SPINK8: variants seen among roughly 807,000 people sequenced by gnomAD.
SPINK8 encodes the protein serine protease inhibitor Kazal-type 8.
Under a neutral mutation model 14.4 loss-of-function variants are expected in SPINK8, and 12 were observed. That is an observed-to-expected ratio of 0.83 (90% CI 0.53 to 1.35). The LOEUF (loss-of-function observed/expected upper bound fraction) is 1.35, where lower values mean the gene tolerates loss of function less well. SPINK8 is among the 40% of genes most tolerant of loss of function. The pLI is 0.00. For synonymous variants in SPINK8, 32 were observed against 37.6 expected, an observed-to-expected ratio of 0.85 and a Z score of 0.55; for missense variants, 103 against 117.0, an observed-to-expected ratio of 0.88 and a Z score of 0.55.
intron 5 of SPINK8, 69 bp from the exon 6 acceptor site, chr3:48,319,687 G>T: frequency 6.3e-7 from 1 of 1,596,298 alleles, no homozygotes; most frequent in Non-Finnish European, 8.5e-7. Context: ...ATTATGTATA[G>T]CTTGGGAGGT....
intron 1 of SPINK8, among the ~76,000 whole-genome samples, chr3:48,333,166 C>T (rs1012046167): frequency 7.9e-5 from 12 of 152,152 alleles, no homozygotes; most frequent in African/African-American, 1.9e-4. Flanking sequence ...TATGGCACTT[C>T]GCTCCATTTG....
chr3:48,319,612 A>T lies in SPINK8; in HGVS notation c.124T>A (p.Cys42Ser). 1 of 1,613,920 alleles carries T rather than the reference A, an allele frequency of 6.2e-7. No homozygotes were observed. Among genetic ancestry groups the T allele is most frequent in the East Asian group, 2.2e-5 (1 of 44,876 alleles). The change falls in exon 6 of 8, where the codon TGC becomes AGC. Residue 42 changes from cysteine to serine, a missense_variant. Physicochemically the swap from Cys to Ser is moderately radical, Grantham distance 112 (BLOSUM62 -1). Transcript: ENST00000434006. ...RGQLDKTIVE[C>S]LKNVNKCWFL... Reference sequence around the variant, plus strand: ...CAGCACTTATTTACATTCTTGAGGCATTCAACCTGAAGGTGAGACACACAC... The same window carrying T: ...CAGCACTTATTTACATTCTTGAGGCTTTCAACCTGAAGGTGAGACACACAC...
chr3:48,317,579 G>A (rs1326418388), intron 6 of SPINK8, among the ~76,000 whole-genome samples: 2 of 151,828 alleles, frequency 1.3e-5, no homozygotes, highest in Non-Finnish European at 2.9e-5. Context: ...GCAGTGGCGC[G>A]ATCTTGGCTC....
intron 4 of SPINK8, among the ~76,000 whole-genome samples, chr3:48,327,914 A>G (rs1035098484): frequency 1.9e-4 from 29 of 152,218 alleles, no homozygotes; most frequent in African/African-American, 7.0e-4. Flanking sequence ...AAAACCCGCC[A>G]TTAACCAGAA....
intron 7 of SPINK8, among the ~76,000 whole-genome samples, chr3:48,307,461 C>G (rs2035864363): frequency 6.6e-6 from 1 of 150,922 alleles, no homozygotes. Context: ...TCCTCCCTAT[C>G]CCTCTTCTTT....
intron 7 of SPINK8, among the ~76,000 whole-genome samples, chr3:48,308,595 G>A (rs2035880976): frequency 6.6e-6 from 1 of 152,160 alleles, no homozygotes; most frequent in African/African-American, 2.4e-5. Flanking sequence ...ACTGTATTTG[G>A]ATGCCGCACA....
chr3:48,333,250 T>G (rs1414709665), intron 1 of SPINK8, among the ~76,000 whole-genome samples: 2 of 152,200 alleles, frequency 1.3e-5, no homozygotes, highest in African/African-American at 2.4e-5. Flanking sequence ...GGCATGTTTC[T>G]CCCTCTTGAA....
At chr3:48,313,347 A>T (rs1312394477) in intron 6 of SPINK8, among the ~76,000 whole-genome samples, 2 of 152,224 alleles carry the variant, frequency 1.3e-5, no homozygotes, top group African/African-American at 4.8e-5. Flanking sequence ...AAAAAAGTAT[A>T]TGGATAGCCA....
chr3:48,309,770 G>T, intron 7 of SPINK8, 134 bp downstream of exon 7: 2 of 1,244,506 alleles, frequency 1.6e-6, no homozygotes, highest in Non-Finnish European at 2.1e-6. Context: ...AGGCTTATGG[G>T]ATCTATTATT....
Position 48,319,574 on chromosome 3 carries a change from G to A in SPINK8, c.162C>T (p.Tyr54=), listed in dbSNP as rs1471103761. 1 of 1,613,982 alleles carries A rather than the reference G, an allele frequency of 6.2e-7. No individual in the cohort carries two copies. The highest frequency in any genetic ancestry group is 8.5e-7 in the Non-Finnish European group (1 of 1,179,870). The part of the protein sequence containing the change: ...KNVNKCWFLS[Y]IKPSEPICGS... ...CACAAATAGGTTCACTGGGCTTGATGTAGGATAAAAACCAGCACTTATTTA... is the reference window on the plus strand; with the variant it reads ...CACAAATAGGTTCACTGGGCTTGATATAGGATAAAAACCAGCACTTATTTA... The change falls in exon 6 of 8, where the codon TAC becomes TAT. Residue 54 remains tyrosine (Y), a synonymous_variant. Coordinates refer to ENST00000434006, the MANE Select transcript of SPINK8 (RefSeq NM_001080525.3).
chr3:48,310,015 TTGA>T, intron 6 of SPINK8, 69 bp from the exon 7 acceptor site: 1 of 1,290,898 alleles, frequency 7.7e-7, no homozygotes. Context: ...TAAATTTTAC[TTGA>T]TAATCTTTGG....
chr3:48,324,204 T>C (rs1342941190), intron 4 of SPINK8, among the ~76,000 whole-genome samples: 2 of 152,186 alleles, frequency 1.3e-5, no homozygotes, highest in African/African-American at 2.4e-5. Context: ...GTCTTTCACC[T>C]CCTTTGGTAA....
intron 6 of SPINK8, among the ~76,000 whole-genome samples, chr3:48,312,445 C>G (rs747984118): frequency 6.6e-5 from 10 of 151,834 alleles, no homozygotes; most frequent in Admixed American, 1.3e-4. Context: ...GAATTTGAGA[C>G]CAGCCTGGCC....
chr3:48,322,209 G>A (rs2036085256), intron 4 of SPINK8, among the ~76,000 whole-genome samples: 1 of 152,014 alleles, frequency 6.6e-6, no homozygotes, highest in African/African-American at 2.4e-5. Context: ...TATATTCACA[G>A]TTATGCCATC....
Position 48,328,264 on chromosome 3 carries a change from A to G in SPINK8, c.67+11T>C, listed in dbSNP as rs950271898. ...CAGAAAATGTGGGCAGAGCAAGGAC[A>G]CATAACTCACCAATTGCAAAGGCCA... On this transcript the variant is annotated intron_variant, in intron 4 of 7. Transcript: ENST00000434006. The G allele has an allele frequency of 1.7e-5, 28 of 1,607,168 alleles. No individual in the cohort carries two copies. The highest frequency in any genetic ancestry group is 6.8e-5 in the Admixed American group (4 of 59,184).
chr3:48,322,077 A>C lies in SPINK8; in HGVS notation c.68-1003T>G, dbSNP rs542312203. 6.5e-4 allele frequency among the ~76,000 whole-genome samples: 99 copies of C among 152,176 alleles called. 3 individuals carry two copies. The South Asian group carries it at 0.02, about 30-fold the overall frequency. ...GCAATTCTCCCACTCAGCCTCCTAAAGTGCTGGGATTACAGATGTAAGCCA... is the reference window on the plus strand; with the variant it reads ...GCAATTCTCCCACTCAGCCTCCTAACGTGCTGGGATTACAGATGTAAGCCA... On this transcript the variant is annotated intron_variant, in intron 4 of 7. Coordinates refer to ENST00000434006, the MANE Select transcript of SPINK8 (RefSeq NM_001080525.3).
chr3:48,310,561 G>A (rs1455834735), intron 6 of SPINK8, among the ~76,000 whole-genome samples: 1 of 139,674 alleles, frequency 7.2e-6, no homozygotes, highest in Non-Finnish European at 1.6e-5. Flanking sequence ...GCAGTGGCAC[G>A]ATCTCAGCTC....
intron 2 of SPINK8, among the ~76,000 whole-genome samples, chr3:48,330,316 C>G (rs527745651): frequency 6.6e-6 from 1 of 152,170 alleles, no homozygotes; most frequent in South Asian, 2.1e-4. Flanking sequence ...GCTAGGAGTT[C>G]GAGACCGGCT....
chr3:48,332,849 C>A (rs776695171), intron 1 of SPINK8, among the ~76,000 whole-genome samples: 10 of 151,774 alleles, frequency 6.6e-5, no homozygotes, highest in Admixed American at 1.3e-4. Context: ...GAGAATTTAC[C>A]TAGGTCTATT....
Sources: gnomAD v4.1 joint callset for allele counts (sites outside exome capture counted in the v4.1 genomes callset) on GRCh38, gnomAD v4.1.1 for gene constraint, MANE v1.5 for transcripts, NCBI Gene and HGNC (gene_info 2026-07-23, HGNC 2026-07-21) for gene names.